The following EXD1 variants were observed in gnomAD, a reference collection of about 807,000 sequenced individuals.
The protein encoded by EXD1 is exonuclease 3'-5' domain containing 1.
EXD1 carries 63 observed loss-of-function variants against 49.1 expected under a neutral mutation model. The observed-to-expected ratio is 1.28, with a 90% confidence interval of 1.05 to 1.58. EXD1 has a LOEUF of 1.58. EXD1 is among the 40% of genes most tolerant of loss of function. The pLI is 0.00. For synonymous variants in EXD1, 234 were observed against 239.2 expected (o/e 0.98, Z 0.20); for missense variants, 748 against 666.0 (o/e 1.12, Z -1.36).
intron 2 of EXD1, among the ~76,000 whole-genome samples, chr15:41,225,587 GAAAA>G (rs57943891): frequency 5.1e-5 from 7 of 137,288 alleles, no homozygotes; most frequent in African/African-American, 1.1e-4. Context: ...CTCATTCTCA[GAAAA>G]AAAAAAAAAG....
chr15:41,194,697 C>T (rs1274378065), intron 9 of EXD1, among the ~76,000 whole-genome samples: 2 of 152,148 alleles, frequency 1.3e-5, no homozygotes, highest in Non-Finnish European at 2.9e-5. Context: ...GCTTCTTGGA[C>T]TATGTAACTC....
chr15:41,213,205 A>AT (rs1287883459), intron 6 of EXD1, among the ~76,000 whole-genome samples: 2 of 143,252 alleles, frequency 1.4e-5, no homozygotes, highest in Non-Finnish European at 3.0e-5. Flanking sequence ...ACTTGTTTTT[A>AT]TTTTTATTTT....
intron 7 of EXD1, among the ~76,000 whole-genome samples, chr15:41,203,916 CAAAAAAAA>C (rs1187093511): frequency 6.0e-3 from 139 of 23,228 alleles, no homozygotes; most frequent in Middle Eastern, 0.038. Context: ...GACTTCTCCT[CAAAAAAAA>C]AAAAAAAAAA....
rs1312456287 is a variant in EXD1 at position 41,199,733 on chromosome 15, ATATATGTCATATAT to A, written c.535-3710_535-3697del. 4.1e-5 allele frequency among the ~76,000 whole-genome samples: 2 copies of A among 48,764 alleles called. 1 individual carries two copies. The highest frequency in any genetic ancestry group is 1.5e-4 in the African/African-American group (2 of 13,776). 32.0% of individuals were successfully genotyped at this position (48,764 alleles called of 152,430 possible). On this transcript the variant is annotated intron_variant, in intron 7 of 11. Coordinates refer to ENST00000458580, the MANE Select transcript of EXD1 (RefSeq NM_001286441.2). ...ATATATATGATATATTATATATGATATATATGTCATATATTATATATGATACATATATGATATAT... is the reference window on the plus strand; with the variant it reads ...ATATATATGATATATTATATATGATATATATATGATACATATATGATATAT...
At chr15:41,228,106 A>G (rs1251809780) in intron 1 of EXD1, among the ~76,000 whole-genome samples, 1 of 152,194 alleles carries the variant, frequency 6.6e-6, no homozygotes, top group Non-Finnish European at 1.5e-5. Context: ...ACCATAATAC[A>G]GTAATTTTTT....
chr15:41,195,932 C>T lies in EXD1; in HGVS notation c.639+1G>A, dbSNP rs369893557. 1.2e-6 allele frequency: 2 copies of T among 1,609,616 alleles called. No homozygotes were observed. Among genetic ancestry groups the T allele is most frequent in the Non-Finnish European group, 8.5e-7 (1 of 1,177,952 alleles). ...GCACAGGAATCAGTTTATATACTTA[C>T]CTTCAAAATTCTCTTGTCTTCTAGT... On this transcript the variant is annotated splice_donor_variant, in intron 8 of 11. Transcript: ENST00000458580. LOFTEE classifies it high-confidence loss of function.
intron 7 of EXD1, among the ~76,000 whole-genome samples, chr15:41,204,988 T>G (rs533540227): frequency 6.6e-6 from 1 of 152,202 alleles, no homozygotes; most frequent in Non-Finnish European, 1.5e-5. Flanking sequence ...CCAGTCAGTC[T>G]ATTAACATTA....
intron 9 of EXD1, among the ~76,000 whole-genome samples, chr15:41,195,516 G>A (rs2140834409): frequency 6.6e-6 from 1 of 152,162 alleles, no homozygotes; most frequent in African/African-American, 2.4e-5. Flanking sequence ...TCTGAATCTT[G>A]CTTCTTTGAC....
In EXD1 at chr15:41,230,082, C is replaced by T. The variant is rs1231189518; in HGVS notation, c.-54+397G>A. 3.3e-5 allele frequency among the ~76,000 whole-genome samples: 4 copies of T among 122,270 alleles called. 1 individual carries two copies. The highest frequency in any genetic ancestry group is 9.6e-5 in the African/African-American group (3 of 31,104). The allele number at this position is 122,270 out of a possible 152,430, so 80.2% of individuals were successfully genotyped here. On this transcript the variant is annotated intron_variant, in intron 1 of 11. Transcript: ENST00000458580. The stretch of plus-strand genomic sequence containing the variant: ...CACTAATTTAACGGGTGGCTTTTAC[C>T]TTTTTTTTTTTTTTTTTTTGAGACG...
chr15:41,216,774 C>G lies in EXD1; in HGVS notation c.282G>C (p.Trp94Cys). The change falls in exon 5 of 12, where the codon TGG (tryptophan) becomes TGC (cysteine). Residue 94 changes from tryptophan to cysteine, a missense_variant. Trp to Cys is a radical substitution (Grantham distance 215). Coordinates refer to ENST00000458580, the MANE Select transcript of EXD1 (RefSeq NM_001286441.2). ...GGTCTTCAACTTTCATTTTCTCCATCCAGGTTCTTTCTGCATGTAGACTAT... is the reference window on the plus strand; with the variant it reads ...GGTCTTCAACTTTCATTTTCTCCATGCAGGTTCTTTCTGCATGTAGACTAT... Reference protein sequence around the residue: ...SSVSLHAERTWMEKMKVEDLN... With the variant: ...SSVSLHAERTCMEKMKVEDLN... 3 of 1,613,750 alleles carry G rather than the reference C, an allele frequency of 1.9e-6. No individual in the cohort carries two copies.
chr15:41,191,716 G>T, intron 9 of EXD1, 131 bp from the exon 10 acceptor site: 1 of 775,678 alleles, frequency 1.3e-6, no homozygotes. Flanking sequence ...CATGTCATCG[G>T]AAAATTTAAA....
intron 1 of EXD1, among the ~76,000 whole-genome samples, chr15:41,229,219 T>C (rs1006250610): frequency 6.6e-6 from 1 of 152,228 alleles, no homozygotes; most frequent in Non-Finnish European, 1.5e-5. Flanking sequence ...GACTCACGCC[T>C]GTAATCCCAA....
At position 41,230,529 on chromosome 15, in the gene EXD1, G is replaced by A. The variant is rs950298464; in HGVS notation, c.-104C>T. Reference sequence around the variant, plus strand: ...CATCGTTAGGGCTTTTTCCTCCGAAGGAAGTTTGGGAAATCTGGATCCTAA... The same window carrying A: ...CATCGTTAGGGCTTTTTCCTCCGAAAGAAGTTTGGGAAATCTGGATCCTAA... On this transcript the variant is annotated 5_prime_UTR_variant, in exon 1 of 12. Coordinates refer to ENST00000458580, the MANE Select transcript of EXD1 (RefSeq NM_001286441.2). The A allele has an allele frequency of 3.1e-6, 5 of 1,614,070 alleles. No homozygotes were observed. In the African/African-American group the frequency reaches 5.3e-5, roughly 17 times the overall value.
intron 3 of EXD1, 66 bp from the exon 4 acceptor site, chr15:41,217,220 C>T: frequency 7.7e-7 from 1 of 1,301,070 alleles, no homozygotes; most frequent in African/African-American, 1.5e-5. Context: ...ACTCCACTAC[C>T]CACACACCCC....
intron 7 of EXD1, among the ~76,000 whole-genome samples, chr15:41,205,605 C>G (rs67531333): frequency 0.27 from 40,803 of 151,512 alleles, 7,409 homozygotes; most frequent in African/African-American, 0.51. Flanking sequence ...TGGTGAAACC[C>G]TGTCTCCACA....
At chr15:41,201,003 A>G (rs536214199) in intron 7 of EXD1, among the ~76,000 whole-genome samples, 1 of 151,436 alleles carries the variant, frequency 6.6e-6, no homozygotes, top group Non-Finnish European at 1.5e-5. Context: ...CCTCCCAAGT[A>G]GTTGGGGTTA....
chr15:41,221,511 C>T (rs1277993542), intron 2 of EXD1, among the ~76,000 whole-genome samples: 2 of 151,624 alleles, frequency 1.3e-5, no homozygotes, highest in African/African-American at 2.4e-5. Context: ...TGGGCTCAAG[C>T]CATCCTTCCA....
chr15:41,219,638 A>G (rs747691352), intron 3 of EXD1, 192 bp downstream of exon 3: 42 of 494,774 alleles, frequency 8.5e-5, no homozygotes, highest in Admixed American at 2.3e-4. Context: ...AGCACACCTG[A>G]CATTATAAAA....
rs762042245 is a variant in EXD1 at position 41,190,089 on chromosome 15, A to T, written c.904T>A (p.Ser302Thr). The change falls in exon 11 of 12, where the codon TCT becomes ACT. Residue 302 changes from serine (S) to threonine (T), a missense_variant. Ser to Thr is a moderately conservative substitution (Grantham distance 58). Transcript: ENST00000458580. Reference sequence around the variant, plus strand: ...TCCAGGGCCAAAATTTTCAGTAAAGAGGGTGAAACAGGTCGGATGAACCAT... The same window carrying T: ...TCCAGGGCCAAAATTTTCAGTAAAGTGGGTGAAACAGGTCGGATGAACCAT... ...EVWFIRPVSPSLLKILALEAT... is the reference protein window; with the variant it reads ...EVWFIRPVSPTLLKILALEAT... 6.2e-7 allele frequency: 1 copy of T among 1,614,200 alleles called. No homozygotes were observed. The highest frequency in any genetic ancestry group is 2.2e-5 in the East Asian group (1 of 44,888).
Sources: gnomAD v4.1 joint callset for allele counts (sites outside exome capture counted in the v4.1 genomes callset) on GRCh38, gnomAD v4.1.1 for gene constraint, MANE v1.5 for transcripts, NCBI Gene and HGNC (gene_info 2026-07-23, HGNC 2026-07-21) for gene names.